LRRK1: variants seen among roughly 807,000 people sequenced by gnomAD.
LRRK1 encodes the protein leucine rich repeat kinase 1, also known as leucine-rich repeat serine/threonine-protein kinase 1.
In LRRK1, 113 loss-of-function variants were observed where a neutral mutation model predicts 209.1. The ratio of observed to expected loss-of-function variants is 0.54; its 90% CI spans 0.46 to 0.63. LRRK1 has a LOEUF of 0.63. Among genes scored for constraint, LRRK1 ranks in the 30% least tolerant of loss-of-function variants. The pLI, the probability that LRRK1 is intolerant of heterozygous loss-of-function variation, is 0.00. For synonymous variants in LRRK1, 1,144 were observed against 1,099.7 expected (o/e 1.04, Z -0.80); for missense variants, 2,284 against 2,632.2 (o/e 0.87, Z 2.89).
chr15:101,003,134 T>C (rs1023643808), intron 6 of LRRK1, among the ~76,000 whole-genome samples: 1 of 152,264 alleles, frequency 6.6e-6, no homozygotes, highest in African/African-American at 2.4e-5. Context: ...AAAATAACTT[T>C]TGTAAATCAG....
rs982481249 is a variant in LRRK1, at chr15:101,073,699, C to T, written c.*4851C>T. 27 of 152,030 alleles carry T rather than the reference C, an allele frequency of 1.8e-4. No homozygotes were observed. The highest frequency in any genetic ancestry group is 4.2e-4 in the South Asian group (2 of 4,816). 9.4% of individuals were successfully genotyped at this position (152,030 alleles called of 1,614,324 possible). On this transcript the variant is annotated 3_prime_UTR_variant, in exon 34 of 34. Transcript: ENST00000388948. ...ATCCCGACCTCGTATCTCTGCACCCCGACCCCTTTCCCACTTTTCTGGAGA... is the reference window on the plus strand; with the variant it reads ...ATCCCGACCTCGTATCTCTGCACCCTGACCCCTTTCCCACTTTTCTGGAGA...
rs766950839 is a variant in LRRK1 at position 101,068,678 on chromosome 15, G to T, written c.5878G>T (p.Val1960Leu). ...ACCCCCTTCTCTCTGCAGGGTGCTG[G>T]TGGATGCTGCCGTGGTGGCAAAGGA... Reference protein sequence around the residue: ...ARELTPHGVLVDAAVVAKDTV... With the variant: ...ARELTPHGVLLDAAVVAKDTV... The change falls in exon 34 of 34, where the codon GTG becomes TTG. Residue 1960 changes from valine to leucine, a missense_variant. Transcript: ENST00000388948. 1 of 1,597,122 alleles carries T rather than the reference G, an allele frequency of 6.3e-7. No homozygotes were observed. The highest frequency in any genetic ancestry group is 8.5e-7 in the Non-Finnish European group (1 of 1,170,118).
Position 101,029,134 on chromosome 15 carries a change from G to T in LRRK1, c.2865G>T (p.Arg955Ser), listed in dbSNP as rs769677938. The T allele has an allele frequency of 1.6e-5, 26 of 1,614,042 alleles. No homozygotes were observed. In the South Asian group the frequency reaches 2.9e-4, roughly 18 times the overall value. The part of the protein sequence containing the change: ...KNGVIRAEDL[R>S]MLLVGTGFTQ... ...GGGTGATCAGAGCAGAAGACCTCAG[G>T]ATGCTGCTGGTGGGGACTGGCTTCA... The change falls in exon 20 of 34, where the codon AGG becomes AGT. Residue 955 changes from arginine to serine, a missense_variant. Arg to Ser is a moderately radical substitution (Grantham distance 110, BLOSUM62 -1). Transcript: ENST00000388948.
At chr15:100,956,321 C>T (rs2042754976) in intron 2 of LRRK1, among the ~76,000 whole-genome samples, 1 of 151,226 alleles carries the variant, frequency 6.6e-6, no homozygotes, top group East Asian at 1.9e-4. Flanking sequence ...TTCTATTATA[C>T]CAATTGTAAT....
rs2036802142 is a variant in LRRK1 at position 101,071,436 on chromosome 15, C to T, written c.*2588C>T. On this transcript the variant is annotated 3_prime_UTR_variant, in exon 34 of 34. Coordinates refer to ENST00000388948, the MANE Select transcript of LRRK1 (RefSeq NM_024652.6). ...ACGGAGTCTCGCTCTGTTGCCCAGGCTGGAGTGCAATGGCGCGATCTCAGC... is the reference window on the plus strand; with the variant it reads ...ACGGAGTCTCGCTCTGTTGCCCAGGTTGGAGTGCAATGGCGCGATCTCAGC... 6.6e-6 allele frequency: 1 copy of T among 152,370 alleles called. No individual in the cohort carries two copies. The highest frequency in any genetic ancestry group is 2.1e-4 in the South Asian group (1 of 4,842). 9.4% of individuals were successfully genotyped at this position (152,370 alleles called of 1,614,324 possible).
At chr15:100,926,108 GA>G (rs2042105264) in intron 2 of LRRK1, among the ~76,000 whole-genome samples, 1 of 152,258 alleles carries the variant, frequency 6.6e-6, no homozygotes, top group South Asian at 2.1e-4. Context: ...ATCACATTAT[GA>G]AATGGGAAAC....
At chr15:101,001,937 G>T (rs2032712030) in intron 6 of LRRK1, among the ~76,000 whole-genome samples, 1 of 152,202 alleles carries the variant, frequency 6.6e-6, no homozygotes, top group African/African-American at 2.4e-5. Flanking sequence ...CGTCACTCCG[G>T]CAAGGCTGCT....
At chr15:101,012,545 G>A (rs2033306387) in intron 10 of LRRK1, among the ~76,000 whole-genome samples, 2 of 152,308 alleles carry the variant, frequency 1.3e-5, no homozygotes, top group South Asian at 4.1e-4. Flanking sequence ...GACAGGCCGT[G>A]GATCACACTC....
Position 100,973,308 on chromosome 15 carries a change from T to C in LRRK1, c.98-496T>C, listed in dbSNP as rs563835206. Among the ~76,000 whole-genome samples the C allele has an allele frequency of 7.2e-5, 11 of 152,270 alleles. No homozygotes were observed. In the East Asian group the frequency reaches 2.1e-3, roughly 29 times the overall value. On this transcript the variant is annotated intron_variant, in intron 2 of 33. Coordinates refer to ENST00000388948, the MANE Select transcript of LRRK1 (RefSeq NM_024652.6). The stretch of plus-strand genomic sequence containing the variant: ...CGCAGCGCGTTCGTGCCAGGGCAGG[T>C]CTGGAGTGAGGGCGGCTGATTTAAA...
At position 101,012,019 on chromosome 15, in the gene LRRK1, A is replaced by G. The variant is rs772771304; in HGVS notation, c.1293A>G (p.Lys431=). The G allele has an allele frequency of 4.2e-5, 67 of 1,603,154 alleles. No individual in the cohort carries two copies. Among genetic ancestry groups the G allele is most frequent in the Non-Finnish European group, 5.4e-5 (63 of 1,176,394 alleles). Reference sequence around the variant, plus strand: ...CGTCAATCTCTTAGAAATGTTGTAAAGCTTCCAGAAATGCCCTGGAATGTC... The same window carrying G: ...CGTCAATCTCTTAGAAATGTTGTAAGGCTTCCAGAAATGCCCTGGAATGTC... ...DPWACPLKCC[K]ASRNALECLP... The change falls in exon 10 of 34, where the codon AAA becomes AAG. Residue 431 remains lysine (K), a synonymous_variant. Transcript: ENST00000388948.
In LRRK1 at chr15:101,046,796, C is replaced by A. The variant is rs376458668; in HGVS notation, c.3135+644C>A. Among the ~76,000 whole-genome samples, 24 of 152,274 alleles carry A rather than the reference C, an allele frequency of 1.6e-4. 2 individuals are homozygous for A. Among genetic ancestry groups the A allele is most frequent in the East Asian group, 5.8e-4 (3 of 5,184 alleles). On this transcript the variant is annotated intron_variant, in intron 21 of 33. Transcript: ENST00000388948. ...ACGTTGGTTCTGGTAACACGGGAGA[C>A]CCCCCGCCCAAGGAGTTAGCTTCTG... is the stretch of plus-strand genomic sequence containing the variant.
chr15:101,058,586 G>A (rs1327927032), intron 29 of LRRK1, among the ~76,000 whole-genome samples: 2 of 127,308 alleles, frequency 1.6e-5, no homozygotes, highest in Non-Finnish European at 3.2e-5. Flanking sequence ...TCTCAAGCAT[G>A]TTCTGCTGCC....
rs554596273 is a variant in LRRK1 at position 101,032,362 on chromosome 15, A to G, written c.2963+3130A>G. Among the ~76,000 whole-genome samples the G allele has an allele frequency of 2.0e-5, 3 of 152,042 alleles. No individual in the cohort carries two copies. In the East Asian group the frequency reaches 5.8e-4, roughly 29 times the overall value. ...TTTGTTACATATGTACACATGTGCC[A>G]TATTGTGCTGCACCCATTAACTCGT... On this transcript the variant is annotated intron_variant, in intron 20 of 33. Coordinates refer to ENST00000388948, the MANE Select transcript of LRRK1 (RefSeq NM_024652.6).
chr15:101,056,648 AGGGT>A (rs2035820934), intron 27 of LRRK1, among the ~76,000 whole-genome samples: 1 of 152,202 alleles, frequency 6.6e-6, no homozygotes, highest in South Asian at 2.1e-4. Flanking sequence ...GAAAGAAGGA[AGGGT>A]GAGAAAATGG....
At position 101,070,334 on chromosome 15, in the gene LRRK1, T is replaced by TTTA. The variant is rs1246816038; in HGVS notation, c.*1486_*1487insTTA. 1.4e-5 allele frequency: 2 copies of TTTA among 138,990 alleles called. No homozygotes were observed. The highest frequency in any genetic ancestry group is 3.5e-3 in the Middle Eastern group (1 of 288). The allele number at this position is 138,990 out of a possible 1,614,324, so 8.6% of individuals were successfully genotyped here. ...TTTTTTTTTTTTTTTTTTTTTTTTT[T>TTTA]ACCAACCTGGGCACCAAGTCCCAGG... On this transcript the variant is annotated 3_prime_UTR_variant, in exon 34 of 34. Coordinates refer to ENST00000388948, the MANE Select transcript of LRRK1 (RefSeq NM_024652.6).
rs1341270055 is a variant in LRRK1, at chr15:100,919,966, G to C, written c.-123+515G>C. 2 of 152,454 alleles carry C rather than the reference G, an allele frequency of 1.3e-5. No individual in the cohort carries two copies. Among genetic ancestry groups the C allele is most frequent in the Non-Finnish European group, 2.9e-5 (2 of 68,250 alleles). 9.4% of individuals were successfully genotyped at this position (152,454 alleles called of 1,614,324 possible). Reference sequence around the variant, plus strand: ...GCCTCTCGCTGGTCCGGGGCTTCCTGGGGTTGCGGGGCGGCCCAGCGAGGC... The same window carrying C: ...GCCTCTCGCTGGTCCGGGGCTTCCTCGGGTTGCGGGGCGGCCCAGCGAGGC... On this transcript the variant is annotated intron_variant, in intron 1 of 33. Transcript: ENST00000388948. The surrounding 1 kb of genome is among the most constrained non-coding windows in gnomAD (Gnocchi z 5.8).
In LRRK1 at chr15:101,075,731, A is replaced by C. The variant is rs1294813802; in HGVS notation, c.*6883A>C. ...CTATCCACCCCATGGTGTCAAACCC[A>C]TATACTCTCCTATCCTCAATACCTC... On this transcript the variant is annotated 3_prime_UTR_variant, in exon 34 of 34. Coordinates refer to ENST00000388948, the MANE Select transcript of LRRK1 (RefSeq NM_024652.6). The C allele has an allele frequency of 1.3e-5, 2 of 150,938 alleles. No homozygotes were observed. The highest frequency in any genetic ancestry group is 3.0e-5 in the Non-Finnish European group (2 of 67,776). The allele number at this position is 150,938 out of a possible 1,614,324, so 9.3% of individuals were successfully genotyped here. A position where few individuals can be genotyped will look rare whatever the true frequency, so the allele number is the denominator to read the frequency against.
intron 20 of LRRK1, among the ~76,000 whole-genome samples, chr15:101,041,192 G>A (rs1462464211): frequency 6.6e-6 from 1 of 152,060 alleles, no homozygotes; most frequent in Admixed American, 6.5e-5. Flanking sequence ...TATTTTGTCT[G>A]ATGTTAAAAT....
intron 4 of LRRK1, 96 bp from the exon 5 acceptor site, chr15:100,988,538 C>T (rs756995678): frequency 2.8e-6 from 3 of 1,087,350 alleles, no homozygotes; most frequent in Admixed American, 3.4e-5. Flanking sequence ...TTTATTTAAC[C>T]AGTCCATTGC....
Sources: gnomAD v4.1 joint callset for allele counts (sites outside exome capture counted in the v4.1 genomes callset) on GRCh38, gnomAD v4.1.1 for gene constraint, Gnocchi (gnomAD v3.1) non-coding constraint, MANE v1.5 for transcripts, NCBI Gene and HGNC (gene_info 2026-07-23, HGNC 2026-07-21) for gene names.